The following AP4S1 variants were observed in gnomAD, a reference collection of about 807,000 sequenced individuals.
AP4S1 encodes the protein AP-4 complex subunit sigma-1.
Under a neutral mutation model 19.8 loss-of-function variants are expected in AP4S1, and 23 were observed. The observed-to-expected ratio is 1.16, with a 90% CI of 0.84 to 1.65. The LOEUF is 1.65. Ranked by LOEUF, AP4S1 falls within the 40% of genes most tolerant of loss-of-function variation. The pLI, the probability that AP4S1 is intolerant of heterozygous loss-of-function variation, is 0.00. For synonymous variants in AP4S1, 46 were observed against 54.1 expected (o/e 0.85, Z 0.66); for missense variants, 166 against 172.8 (o/e 0.96, Z 0.22).
intron 4 of AP4S1, among the ~76,000 whole-genome samples, chr14:31,079,411 A>C (rs1048729259): frequency 6.6e-6 from 1 of 152,148 alleles, no homozygotes; most frequent in Non-Finnish European, 1.5e-5. Flanking sequence ...AATGCTGATC[A>C]TGGGAGGAGG....
At chr14:31,085,236 G>T (rs1887868639) in intron 5 of AP4S1, 1 of 1,049,200 alleles carries the variant, frequency 9.5e-7, no homozygotes, top group African/African-American at 1.7e-5. Context: ...AATTTATAAG[G>T]TCCCTAGATA....
chr14:31,035,052 A>G (rs964043799), intron 1 of AP4S1, among the ~76,000 whole-genome samples: 1 of 152,138 alleles, frequency 6.6e-6, no homozygotes, highest in African/African-American at 2.4e-5. Flanking sequence ...GTGTGAAGAA[A>G]TGTTTAACGT....
intron 1 of AP4S1, among the ~76,000 whole-genome samples, chr14:31,057,970 C>G (rs1477184255): frequency 1.3e-5 from 2 of 151,532 alleles, no homozygotes; most frequent in Non-Finnish European, 2.9e-5. Flanking sequence ...CCATCTGTCA[C>G]CCAGGCTGGA....
intron 1 of AP4S1, 153 bp downstream of exon 1, chr14:31,025,940 C>A (rs377181159): frequency 1.9e-6 from 3 of 1,599,966 alleles, no homozygotes; most frequent in Non-Finnish European, 2.6e-6. Context: ...AGTGCGCCCG[C>A]TCCATCTCGA....
intron 1 of AP4S1, among the ~76,000 whole-genome samples, chr14:31,044,089 A>G (rs1181443484): frequency 6.6e-6 from 1 of 152,214 alleles, no homozygotes; most frequent in South Asian, 2.1e-4. Context: ...TGTTTTTAAA[A>G]CAAACTGTAA....
chr14:31,081,851 T>A (rs1410939243), intron 5 of AP4S1, among the ~76,000 whole-genome samples: 1 of 151,764 alleles, frequency 6.6e-6, no homozygotes, highest in East Asian at 1.9e-4. Context: ...CTGATGTGTA[T>A]ATATATGATA....
chr14:31,083,763 G>A (rs958386059), intron 5 of AP4S1: 2 of 334,796 alleles, frequency 6.0e-6, no homozygotes, highest in African/African-American at 4.4e-5. Flanking sequence ...TCCTGCCTTG[G>A]CCTCCCAAAG....
At chr14:31,050,008 A>G (rs1162497293) in intron 1 of AP4S1, among the ~76,000 whole-genome samples, 1 of 152,132 alleles carries the variant, frequency 6.6e-6, no homozygotes, top group Non-Finnish European at 1.5e-5. Flanking sequence ...TGCAACCTCC[A>G]CTTCCCAGGT....
chr14:31,044,561 T>C (rs948266261), intron 1 of AP4S1, among the ~76,000 whole-genome samples: 4 of 151,842 alleles, frequency 2.6e-5, no homozygotes, highest in African/African-American at 4.8e-5. Flanking sequence ...TTGCCTAGTC[T>C]GGTTTCAAAC....
At chr14:31,053,602 T>A (rs952414508) in intron 1 of AP4S1, among the ~76,000 whole-genome samples, 2 of 133,756 alleles carry the variant, frequency 1.5e-5, no homozygotes, top group African/African-American at 5.6e-5. Context: ...TTTTTTTTTT[T>A]TTTTTTTTTT....
intron 5 of AP4S1, chr14:31,084,878 A>G (rs1291104558): frequency 6.2e-7 from 1 of 1,614,126 alleles, no homozygotes; most frequent in Admixed American, 1.7e-5. Flanking sequence ...ACCCCCATCT[A>G]CTGAATAGCC....
At chr14:31,046,943 G>A (rs1224046455) in intron 1 of AP4S1, among the ~76,000 whole-genome samples, 1 of 149,220 alleles carries the variant, frequency 6.7e-6, no homozygotes, top group Non-Finnish European at 1.5e-5. Flanking sequence ...TTCTAAAGTG[G>A]CTGTAGCATT....
chr14:31,056,662 A>G (rs1886137895), intron 1 of AP4S1, among the ~76,000 whole-genome samples: 1 of 152,108 alleles, frequency 6.6e-6, no homozygotes, highest in Non-Finnish European at 1.5e-5. Flanking sequence ...CCCAGCCTAT[A>G]CTGTACTTTT....
rs183708019 is a variant in AP4S1, at chr14:31,073,468, C to A, written c.294+495C>A. ...TCCCGCCACTGCACTCCAGCCTGGG[C>A]AACAGAGCGAGACTCCGTCTCAGAA... is the stretch of plus-strand genomic sequence containing the variant. On this transcript the variant is annotated intron_variant, in intron 4 of 5. Coordinates refer to ENST00000542754, the MANE Select transcript of AP4S1 (RefSeq NM_001128126.3). 5.1e-4 allele frequency among the ~76,000 whole-genome samples: 74 copies of A among 145,456 alleles called. 3 individuals carry two copies. The highest frequency in any genetic ancestry group is 4.0e-3 in the South Asian group (18 of 4,486).
intron 1 of AP4S1, among the ~76,000 whole-genome samples, chr14:31,030,125 A>T (rs983442319): frequency 5.9e-5 from 9 of 152,050 alleles, no homozygotes; most frequent in Non-Finnish European, 5.9e-5. Flanking sequence ...GGATGGGACC[A>T]CAGGCATGTG....
At chr14:31,064,407 C>T (rs576882842) in intron 1 of AP4S1, among the ~76,000 whole-genome samples, 3 of 152,192 alleles carry the variant, frequency 2.0e-5, no homozygotes, top group South Asian at 2.1e-4. Context: ...CTGCAACCTC[C>T]GCCTCCCGGA....
In AP4S1 at chr14:31,095,022, TAAGTA is replaced by T. The variant is rs952408223; in HGVS notation, c.*1990_*1994del. 1 of 152,028 alleles carries T rather than the reference TAAGTA, an allele frequency of 6.6e-6. No homozygotes were observed. The highest frequency in any genetic ancestry group is 2.4e-5 in the African/African-American group (1 of 41,354). The allele number at this position is 152,028 out of a possible 1,614,324, so 9.4% of individuals were successfully genotyped here. A position where few individuals can be genotyped will look rare whatever the true frequency, so the allele number is the denominator to read the frequency against. On this transcript the variant is annotated 3_prime_UTR_variant, in exon 6 of 6. Coordinates refer to ENST00000542754, the MANE Select transcript of AP4S1 (RefSeq NM_001128126.3). ...CAGAGTGAGACCCTGTCTCTAAAAA[TAAGTA>T]AATAACTAATTAAAAAGTTAGCCAG... is the stretch of plus-strand genomic sequence containing the variant.
intron 5 of AP4S1, chr14:31,083,339 T>G: frequency 2.5e-6 from 1 of 403,826 alleles, no homozygotes; most frequent in Non-Finnish European, 4.9e-6. Context: ...ATCTGGCAAA[T>G]TAGGAATTTT....
At chr14:31,038,637 A>G (rs1348195665) in intron 1 of AP4S1, among the ~76,000 whole-genome samples, 2 of 152,138 alleles carry the variant, frequency 1.3e-5, no homozygotes, top group East Asian at 3.9e-4. Flanking sequence ...GCCACATACT[A>G]AATGAAACTG....
Sources: gnomAD v4.1 joint callset for allele counts (sites outside exome capture counted in the v4.1 genomes callset) on GRCh38, gnomAD v4.1.1 for gene constraint, MANE v1.5 for transcripts, NCBI Gene and HGNC (gene_info 2026-07-23, HGNC 2026-07-21) for gene names.